KCNQ3: variants seen among roughly 807,000 people sequenced by gnomAD.
The protein encoded by KCNQ3 is potassium voltage-gated channel subfamily KQT member 3.
In KCNQ3, 30 loss-of-function variants were observed where a neutral mutation model predicts 92.5. The observed-to-expected ratio is 0.32, with a 90% CI of 0.24 to 0.44. The LOEUF (loss-of-function observed/expected upper bound fraction) is 0.44, where lower values mean the gene tolerates loss of function less well. Ranked by LOEUF, KCNQ3 falls within the 20% of genes least tolerant of loss-of-function variation. The pLI is 1.00. For synonymous variants in KCNQ3, 450 were observed against 468.8 expected (o/e 0.96, Z 0.52); for missense variants, 913 against 1,140.3 (o/e 0.80, Z 2.87).
intron 1 of KCNQ3, among the ~76,000 whole-genome samples, chr8:132,421,800 A>C (rs1319063667): frequency 6.6e-6 from 1 of 152,180 alleles, no homozygotes; most frequent in Non-Finnish European, 1.5e-5. Context: ...ATCACACAGG[A>C]AATTTATCTT....
In KCNQ3 at chr8:132,166,151, G is replaced by A. The variant is rs977154443; in HGVS notation, c.1236-2657C>T. Reference sequence around the variant, plus strand: ...TTCCAGAGCTGTGCTGTCCAATAGAGTAGTCATTAGTCATAGAAGGTTATT... The same window carrying A: ...TTCCAGAGCTGTGCTGTCCAATAGAATAGTCATTAGTCATAGAAGGTTATT... On this transcript the variant is annotated intron_variant, in intron 8 of 14. Coordinates refer to ENST00000388996, the MANE Select transcript of KCNQ3 (RefSeq NM_004519.4). Among the ~76,000 whole-genome samples, 7 of 152,284 alleles carry A rather than the reference G, an allele frequency of 4.6e-5. No individual in the cohort carries two copies. In the East Asian group the frequency reaches 9.7e-4, roughly 21 times the overall value.
At chr8:132,269,036 C>A (rs1045107681) in intron 1 of KCNQ3, among the ~76,000 whole-genome samples, 1 of 152,104 alleles carries the variant, frequency 6.6e-6, no homozygotes, top group East Asian at 1.9e-4. Flanking sequence ...ATCTGTATAT[C>A]TTCTTTGGTG....
At chr8:132,341,113 G>A (rs183296644) in intron 1 of KCNQ3, among the ~76,000 whole-genome samples, 9 of 152,298 alleles carry the variant, frequency 5.9e-5, no homozygotes, top group Admixed American at 1.3e-4. Flanking sequence ...AAGTTCTACC[G>A]GACAGTTCTG....
At chr8:132,316,291 C>T (rs937109147) in intron 1 of KCNQ3, among the ~76,000 whole-genome samples, 9 of 152,178 alleles carry the variant, frequency 5.9e-5, no homozygotes, top group African/African-American at 2.2e-4. Context: ...TGAAGAGTTC[C>T]TATCTTCTCC....
intron 1 of KCNQ3, among the ~76,000 whole-genome samples, chr8:132,445,006 T>C (rs756464118): frequency 1.3e-4 from 20 of 152,320 alleles, no homozygotes; most frequent in Non-Finnish European, 2.8e-4. Context: ...GGTAGTAATA[T>C]GGGCTAAAGC....
chr8:132,405,935 A>C (rs1333407791), intron 1 of KCNQ3, among the ~76,000 whole-genome samples: 2 of 152,170 alleles, frequency 1.3e-5, no homozygotes, highest in Admixed American at 1.3e-4. Context: ...AACAGCCTCC[A>C]GGTCTTAGGC....
chr8:132,369,528 G>T (rs1222358448), intron 1 of KCNQ3, among the ~76,000 whole-genome samples: 1 of 151,678 alleles, frequency 6.6e-6, no homozygotes, highest in Non-Finnish European at 1.5e-5. Flanking sequence ...TAAAAATGAG[G>T]CTGGAGTATC....
At chr8:132,332,086 G>C (rs1586933654) in intron 1 of KCNQ3, among the ~76,000 whole-genome samples, 1 of 152,202 alleles carries the variant, frequency 6.6e-6, no homozygotes, top group African/African-American at 2.4e-5. Flanking sequence ...CTTCTGATTA[G>C]GATATAAAAA....
At chr8:132,229,155 G>A (rs1335167398) in intron 1 of KCNQ3, among the ~76,000 whole-genome samples, 1 of 152,032 alleles carries the variant, frequency 6.6e-6, no homozygotes, top group African/African-American at 2.4e-5. Flanking sequence ...TTGGGAGGCT[G>A]AGGCAGGAGA....
intron 9 of KCNQ3, among the ~76,000 whole-genome samples, chr8:132,146,597 CTTT>C (rs11420420): frequency 2.1e-5 from 3 of 145,488 alleles, no homozygotes; most frequent in Non-Finnish European, 4.5e-5. Flanking sequence ...TAGACCTGTA[CTTT>C]TTTTTTTTTT....
In KCNQ3 at chr8:132,315,475, C is replaced by T. The variant is rs73360858; in HGVS notation, c.387-129294G>A. Among the ~76,000 whole-genome samples the T allele has an allele frequency of 3.9e-3, 587 of 152,172 alleles. 3 individuals are homozygous for T. Among genetic ancestry groups the T allele is most frequent in the African/African-American group, 0.013 (556 of 41,510 alleles). Reference sequence around the variant, plus strand: ...GGGTCACGTAGCTGAAGGAGCTGAGCTATGACCTTGGCTCGGGGAAGGGAG... The same window carrying T: ...GGGTCACGTAGCTGAAGGAGCTGAGTTATGACCTTGGCTCGGGGAAGGGAG... On this transcript the variant is annotated intron_variant, in intron 1 of 14. Transcript: ENST00000388996.
intron 1 of KCNQ3, among the ~76,000 whole-genome samples, chr8:132,288,085 T>C (rs2130546970): frequency 6.6e-6 from 1 of 152,348 alleles, no homozygotes; most frequent in South Asian, 2.1e-4. Flanking sequence ...TTCCACATTA[T>C]AAACATGGCT....
Position 132,369,066 on chromosome 8 carries a change from T to G in KCNQ3, c.386+111081A>C, listed in dbSNP as rs182435144. Among the ~76,000 whole-genome samples the G allele has an allele frequency of 5.3e-3, 802 of 152,360 alleles. 10 individuals carry two copies. The highest frequency in any genetic ancestry group is 0.013 in the African/African-American group (528 of 41,588). On this transcript the variant is annotated intron_variant, in intron 1 of 14. Coordinates refer to ENST00000388996, the MANE Select transcript of KCNQ3 (RefSeq NM_004519.4). ...GATACCAGTCAGGTATTTTGTAGAA[T>G]GTCTCTCAATTTGGGTTTGTACGGT...
chr8:132,370,907 TC>T (rs1439763894), intron 1 of KCNQ3, among the ~76,000 whole-genome samples: 2 of 152,036 alleles, frequency 1.3e-5, no homozygotes, highest in Non-Finnish European at 2.9e-5. Flanking sequence ...ATTTTACAGA[TC>T]AGGAAACTGA....
Position 132,129,115 on chromosome 8 carries a change from G to T in KCNQ3, c.*147C>A, listed in dbSNP as rs1824764392. 1 of 850,584 alleles carries T rather than the reference G, an allele frequency of 1.2e-6. No homozygotes were observed. The highest frequency in any genetic ancestry group is 1.9e-6 in the Non-Finnish European group (1 of 540,166). 52.7% of individuals were successfully genotyped at this position (850,584 alleles called of 1,614,324 possible). On this transcript the variant is annotated 3_prime_UTR_variant, in exon 15 of 15. Coordinates refer to ENST00000388996, the MANE Select transcript of KCNQ3 (RefSeq NM_004519.4). This position sits in a 1 kb window ranked among gnomAD's most constrained non-coding sequence, Gnocchi z 5.9. The stretch of plus-strand genomic sequence containing the variant: ...TGACATGGGGAGGAAGAGGCTGTGG[G>T]AAGCCCCTGCCTGGGTGGGGCCACC...
intron 1 of KCNQ3, among the ~76,000 whole-genome samples, chr8:132,283,092 C>CTCGTGTGTGT (rs1355042079): frequency 2.3e-4 from 30 of 130,608 alleles, no homozygotes; most frequent in African/African-American, 8.3e-4. Context: ...CTCTCTCTCT[C>CTCGTGTGTGT]GTGTGTGTGT....
rs1465762752 is a variant in KCNQ3, at chr8:132,128,950, G to A, written c.*312C>T. ...AACAGACAAATAGCATGGCTCATCA[G>A]TAATTTCTCCCTGTACTGGTCCAAT... On this transcript the variant is annotated 3_prime_UTR_variant, in exon 15 of 15. Coordinates refer to ENST00000388996, the MANE Select transcript of KCNQ3 (RefSeq NM_004519.4). 1 of 340,598 alleles carries A rather than the reference G, an allele frequency of 2.9e-6. No homozygotes were observed. The highest frequency in any genetic ancestry group is 5.4e-6 in the Non-Finnish European group (1 of 184,896). 21.1% of individuals were successfully genotyped at this position (340,598 alleles called of 1,614,324 possible).
chr8:132,340,494 A>G lies in KCNQ3; in HGVS notation c.386+139653T>C, dbSNP rs573663738. Among the ~76,000 whole-genome samples the G allele has an allele frequency of 2.2e-3, 328 of 152,332 alleles. 2 individuals are homozygous for G. The highest frequency in any genetic ancestry group is 7.5e-3 in the African/African-American group (312 of 41,570). On this transcript the variant is annotated intron_variant, in intron 1 of 14. Transcript: ENST00000388996. ...GATGAAGCTGGAAGCCATCATTCGC[A>G]GCAAACTAACACAAGAACAGAAAAC...
intron 1 of KCNQ3, among the ~76,000 whole-genome samples, chr8:132,192,637 G>GTGTT (rs1043397965): frequency 1.3e-5 from 2 of 151,724 alleles, no homozygotes; most frequent in African/African-American, 4.9e-5. Context: ...GGTGTTTCTT[G>GTGTT]TGTTTGTTTG....
Sources: gnomAD v4.1 joint callset for allele counts (sites outside exome capture counted in the v4.1 genomes callset) on GRCh38, gnomAD v4.1.1 for gene constraint, Gnocchi (gnomAD v3.1) non-coding constraint, MANE v1.5 for transcripts, NCBI Gene and HGNC (gene_info 2026-07-23, HGNC 2026-07-21) for gene names.